Variants in ADK observed in about 807,000 individuals in gnomAD.
The protein encoded by ADK is N6,N6-dimethyladenosine kinase.
Under a neutral mutation model 44.7 loss-of-function variants are expected in ADK, and 24 were observed. The ratio of observed to expected loss-of-function variants is 0.54; its 90% CI spans 0.39 to 0.76. The LOEUF (loss-of-function observed/expected upper bound fraction) is 0.76. Ranked by LOEUF, ADK falls within the 30% of genes least tolerant of loss-of-function variation. The pLI, the probability that ADK is intolerant of heterozygous loss-of-function variation, is 0.00. For synonymous variants in ADK, 128 were observed against 142.6 expected, an observed-to-expected ratio of 0.90 and a Z score of 0.73; for missense variants, 321 against 425.1, an observed-to-expected ratio of 0.76 and a Z score of 2.15.
At position 74,680,525 on chromosome 10, in the gene ADK, A is replaced by AT. The variant is rs77913387; in HGVS notation, c.964+10269dup. 1.2e-3 allele frequency among the ~76,000 whole-genome samples: 181 copies of AT among 147,090 alleles called. 2 individuals carry two copies. The highest frequency in any genetic ancestry group is 5.0e-3 in the South Asian group (23 of 4,640). On this transcript the variant is annotated intron_variant, in intron 10 of 10. Coordinates refer to ENST00000539909, the MANE Select transcript of ADK (RefSeq NM_006721.4). ...ATCACTTTCTACTCTGTATGTCTGA[A>AT]TTTTTTTTTTTTTACAATGTGCCCT...
At chr10:74,675,269 T>C (rs1855346161) in intron 10 of ADK, among the ~76,000 whole-genome samples, 1 of 152,222 alleles carries the variant, frequency 6.6e-6, no homozygotes, top group South Asian at 2.1e-4. Context: ...TGTGTTCCTT[T>C]AGCCAGCTAA....
intron 3 of ADK, among the ~76,000 whole-genome samples, chr10:74,253,764 G>GA (rs1845729753): frequency 8.4e-6 from 1 of 118,886 alleles, no homozygotes; most frequent in Non-Finnish European, 1.8e-5. Context: ...TCTCTACACT[G>GA]CCTTTTTTTT....
chr10:74,501,890 T>C (rs1169132248), intron 6 of ADK, among the ~76,000 whole-genome samples: 1 of 151,970 alleles, frequency 6.6e-6, no homozygotes, highest in Non-Finnish European at 1.5e-5. Context: ...GAAGATAGGG[T>C]TTCTTCTTGG....
chr10:74,341,312 A>C (rs1841574364), intron 4 of ADK, among the ~76,000 whole-genome samples: 1 of 151,844 alleles, frequency 6.6e-6, no homozygotes, highest in Non-Finnish European at 1.5e-5. Context: ...TGAGGTCAGG[A>C]GTTTGAGACC....
At chr10:74,660,215 G>A (rs1031384499) in intron 9 of ADK, among the ~76,000 whole-genome samples, 1 of 151,902 alleles carries the variant, frequency 6.6e-6, no homozygotes, top group African/African-American at 2.4e-5. Flanking sequence ...TGCAATTTCC[G>A]CCTCCTGGAC....
chr10:74,708,283 A>G, intron 10 of ADK, 38 bp from the exon 11 acceptor site: 4 of 1,599,392 alleles, frequency 2.5e-6, no homozygotes, highest in Non-Finnish European at 3.4e-6. Flanking sequence ...TGCTGCTGTT[A>G]TACAATACTC....
chr10:74,348,649 A>G (rs1247668300), intron 4 of ADK, among the ~76,000 whole-genome samples: 2 of 151,722 alleles, frequency 1.3e-5, no homozygotes, highest in Non-Finnish European at 2.9e-5. Flanking sequence ...CAGTGCAAGG[A>G]AGCTAAGAAC....
chr10:74,297,935 C>A (rs1295969715), intron 3 of ADK, among the ~76,000 whole-genome samples: 2 of 152,046 alleles, frequency 1.3e-5, no homozygotes, highest in Non-Finnish European at 2.9e-5. Context: ...AGTTATAATT[C>A]AACAGTGTTT....
At chr10:74,206,585 A>T (rs1843605236) in intron 2 of ADK, among the ~76,000 whole-genome samples, 1 of 152,216 alleles carries the variant, frequency 6.6e-6, no homozygotes, top group Admixed American at 6.5e-5. Flanking sequence ...TTTTAGTCAG[A>T]TATGACAAGA....
In ADK at chr10:74,635,439, G is replaced by A. The variant is rs1473605037; in HGVS notation, c.878-34744G>A. ...ATAAACATAAGAGTATATACTATGT[G>A]ATTCCATTTGTATAAAGTCAATGGA... On this transcript the variant is annotated intron_variant, in intron 9 of 10. Coordinates refer to ENST00000539909, the MANE Select transcript of ADK (RefSeq NM_006721.4). Among the ~76,000 whole-genome samples, 5 of 152,264 alleles carry A rather than the reference G, an allele frequency of 3.3e-5. No homozygotes were observed. In the East Asian group the frequency reaches 7.7e-4, roughly 24 times the overall value.
chr10:74,575,505 G>T (rs956971815), intron 7 of ADK, among the ~76,000 whole-genome samples: 47 of 152,290 alleles, frequency 3.1e-4, no homozygotes, highest in Admixed American at 1.9e-3. Flanking sequence ...GGATGGGTAG[G>T]ATTTTGACAA....
intron 7 of ADK, among the ~76,000 whole-genome samples, chr10:74,550,694 C>G: frequency 6.6e-6 from 1 of 152,274 alleles, no homozygotes; most frequent in South Asian, 2.1e-4. Context: ...GACAGTCCAA[C>G]AATCAATCTT....
In ADK at chr10:74,331,179, A is replaced by G. The variant is rs147490173; in HGVS notation, c.273+16434A>G. On this transcript the variant is annotated intron_variant, in intron 4 of 10. Transcript: ENST00000539909. Reference sequence around the variant, plus strand: ...GTATAAAACTAGATAATAAACTACTATGGCTGTGTTTTGCTTCTTACAGAT... The same window carrying G: ...GTATAAAACTAGATAATAAACTACTGTGGCTGTGTTTTGCTTCTTACAGAT... Among the ~76,000 whole-genome samples the G allele has an allele frequency of 4.9e-3, 751 of 152,336 alleles. 5 individuals are homozygous for G. The highest frequency in any genetic ancestry group is 0.017 in the African/African-American group (706 of 41,586).
At chr10:74,429,503 T>C (rs1465641048) in intron 6 of ADK, among the ~76,000 whole-genome samples, 3 of 152,188 alleles carry the variant, frequency 2.0e-5, no homozygotes, top group Non-Finnish European at 2.9e-5. Context: ...AGTGGTCTTA[T>C]TACCATAATT....
chr10:74,516,340 A>G (rs937900432), intron 6 of ADK, among the ~76,000 whole-genome samples: 3 of 151,806 alleles, frequency 2.0e-5, no homozygotes, highest in Admixed American at 6.6e-5. Flanking sequence ...TAGATTTCCA[A>G]TCACCACAGG....
intron 3 of ADK, among the ~76,000 whole-genome samples, chr10:74,293,915 A>C (rs575810902): frequency 1.3e-5 from 2 of 152,342 alleles, no homozygotes; most frequent in Admixed American, 1.3e-4. Flanking sequence ...CTTGGCCAGC[A>C]GCCCAGAAGC....
intron 10 of ADK, among the ~76,000 whole-genome samples, chr10:74,683,578 A>G (rs970925615): frequency 2.6e-5 from 4 of 152,184 alleles, no homozygotes; most frequent in Non-Finnish European, 4.4e-5. Flanking sequence ...AGACCAAAAT[A>G]TGTCTCTAAA....
chr10:74,668,117 G>T (rs1855032254), intron 9 of ADK, among the ~76,000 whole-genome samples: 1 of 152,002 alleles, frequency 6.6e-6, no homozygotes, highest in African/African-American at 2.4e-5. Flanking sequence ...ATTAACTTGA[G>T]CTCATTTTAC....
intron 6 of ADK, among the ~76,000 whole-genome samples, chr10:74,454,901 C>T (rs1845889700): frequency 6.6e-6 from 1 of 152,142 alleles, no homozygotes; most frequent in Admixed American, 6.5e-5. Flanking sequence ...GGGTACCATT[C>T]ACATAAGGGT....
Sources: allele counts gnomAD v4.1 joint callset (sites outside exome capture counted in the v4.1 genomes callset), GRCh38; gene constraint gnomAD v4.1.1; transcripts MANE v1.5; gene names NCBI Gene and HGNC (gene_info 2026-07-23, HGNC 2026-07-21).